PXDNL: variants seen among roughly 807,000 people sequenced by gnomAD.
The protein encoded by PXDNL is peroxidasin like.
Under a neutral mutation model 150.8 loss-of-function variants are expected in PXDNL, and 145 were observed. The ratio of observed to expected loss-of-function variants is 0.96; its 90% CI spans 0.84 to 1.10. The LOEUF is 1.10. Ranked by LOEUF, PXDNL falls within the 50% of genes least tolerant of loss-of-function variation. The pLI, the probability that PXDNL is intolerant of heterozygous loss-of-function variation, is 0.00. For missense variants in PXDNL, 2,087 were observed against 1,873.9 expected, an observed-to-expected ratio of 1.11 and a Z score of -2.10; for synonymous variants, 757 against 725.7, an observed-to-expected ratio of 1.04 and a Z score of -0.69.
chr8:51,749,414 G>A (rs997770847), intron 1 of PXDNL, among the ~76,000 whole-genome samples: 3 of 152,204 alleles, frequency 2.0e-5, no homozygotes, highest in Non-Finnish European at 4.4e-5. Context: ...ATTCACACCT[G>A]TGCAGTGTGT....
At chr8:51,621,497 G>A (rs1814252861) in intron 2 of PXDNL, among the ~76,000 whole-genome samples, 1 of 151,108 alleles carries the variant, frequency 6.6e-6, no homozygotes, top group Admixed American at 6.6e-5. Context: ...TACAGCAAAA[G>A]CGTTATATAG....
chr8:51,710,442 G>T (rs1024639900), intron 1 of PXDNL, among the ~76,000 whole-genome samples: 20 of 152,070 alleles, frequency 1.3e-4, no homozygotes, highest in Admixed American at 2.6e-4. Flanking sequence ...TCAATTTTTT[G>T]GGGGGTGAGG....
intron 2 of PXDNL, among the ~76,000 whole-genome samples, chr8:51,642,544 A>T (rs1421392416): frequency 6.6e-6 from 1 of 152,056 alleles, no homozygotes. Context: ...ACATATCTCA[A>T]AATAATAAGA....
chr8:51,455,337 A>T (rs916757420), intron 9 of PXDNL, among the ~76,000 whole-genome samples: 1 of 152,032 alleles, frequency 6.6e-6, no homozygotes, highest in Non-Finnish European at 1.5e-5. Flanking sequence ...GAGATAGCAA[A>T]CACAGGATGC....
At position 51,592,646 on chromosome 8, in the gene PXDNL, G is replaced by C. The variant is rs1813469305; in HGVS notation, c.289C>G (p.Leu97Val). The change falls in exon 3 of 23, where the codon CTT becomes GTT. Residue 97 changes from leucine to valine, a missense_variant. Transcript: ENST00000356297. ...RKISRNAFEG[L>V]ENLLYLYLYK... Reference sequence around the variant, plus strand: ...ACTTACAGATATAGCAAATTTTCAAGTCCTTCAAAAGCATTTCTGGAAATC... The same window carrying C: ...ACTTACAGATATAGCAAATTTTCAACTCCTTCAAAAGCATTTCTGGAAATC... The C allele has an allele frequency of 1.3e-6, 2 of 1,548,140 alleles. No individual in the cohort carries two copies. Among genetic ancestry groups the C allele is most frequent in the Non-Finnish European group, 1.7e-6 (2 of 1,145,816 alleles).
chr8:51,363,679 G>A (rs1385600224), intron 19 of PXDNL, among the ~76,000 whole-genome samples: 1 of 152,104 alleles, frequency 6.6e-6, no homozygotes, highest in African/African-American at 2.4e-5. Context: ...TATGTCTGTG[G>A]ATTTCATTTC....
At chr8:51,466,453 C>A (rs1449703502) in intron 8 of PXDNL, among the ~76,000 whole-genome samples, 1 of 151,810 alleles carries the variant, frequency 6.6e-6, no homozygotes, top group African/African-American at 2.4e-5. Flanking sequence ...TTTTAGAAAA[C>A]CTAAGAAATA....
At chr8:51,349,153 CG>C (rs1377585931) in intron 19 of PXDNL, among the ~76,000 whole-genome samples, 1 of 97,030 alleles carries the variant, frequency 1.0e-5, no homozygotes, top group Non-Finnish European at 2.3e-5. Context: ...AGAGGCATAA[CG>C]GTGGGTGGGT....
At chr8:51,660,355 C>G (rs1815246530) in intron 1 of PXDNL, among the ~76,000 whole-genome samples, 1 of 152,132 alleles carries the variant, frequency 6.6e-6, no homozygotes, top group Non-Finnish European at 1.5e-5. Context: ...CCTGAGGATA[C>G]CCAGGCCACA....
chr8:51,708,462 A>G (rs1816428065), intron 1 of PXDNL, among the ~76,000 whole-genome samples: 1 of 152,290 alleles, frequency 6.6e-6, no homozygotes. Flanking sequence ...AGAGAGAAGA[A>G]TAATGTAAAA....
chr8:51,668,603 T>C (rs1815438206), intron 1 of PXDNL, among the ~76,000 whole-genome samples: 1 of 152,212 alleles, frequency 6.6e-6, no homozygotes, highest in African/African-American at 2.4e-5. Context: ...TACAAATGTA[T>C]ATGACTGCTG....
chr8:51,641,389 A>G (rs1187639918), intron 2 of PXDNL, among the ~76,000 whole-genome samples: 1 of 150,376 alleles, frequency 6.6e-6, no homozygotes, highest in African/African-American at 2.5e-5. Flanking sequence ...CTGCACAGCA[A>G]AAGAAACTAC....
At chr8:51,597,735 A>C (rs576220638) in intron 2 of PXDNL, among the ~76,000 whole-genome samples, 46 of 143,546 alleles carry the variant, frequency 3.2e-4, no homozygotes, top group Admixed American at 3.0e-3. Flanking sequence ...TTTTTTTGAG[A>C]TGGAGTTTCA....
At chr8:51,487,215 C>T (rs1195504806) in intron 5 of PXDNL, among the ~76,000 whole-genome samples, 1 of 152,052 alleles carries the variant, frequency 6.6e-6, no homozygotes, top group Non-Finnish European at 1.5e-5. Context: ...AAAGACTTGT[C>T]TCCTTCCTGT....
At chr8:51,466,695 CAAACA>C (rs926296205) in intron 8 of PXDNL, among the ~76,000 whole-genome samples, 7 of 152,006 alleles carry the variant, frequency 4.6e-5, no homozygotes, top group Admixed American at 4.6e-4. Context: ...AACAAATCAA[CAAACA>C]AAACACAAAT....
intron 4 of PXDNL, among the ~76,000 whole-genome samples, chr8:51,529,429 AGACC>A (rs1811841652): frequency 6.6e-6 from 1 of 152,200 alleles, no homozygotes; most frequent in African/African-American, 2.4e-5. Flanking sequence ...TTACTCCTGA[AGACC>A]TAAAAGTATT....
At chr8:51,467,346 G>A (rs1224455000) in intron 8 of PXDNL, among the ~76,000 whole-genome samples, 1 of 152,070 alleles carries the variant, frequency 6.6e-6, no homozygotes, top group Non-Finnish European at 1.5e-5. Flanking sequence ...TATTCTCATT[G>A]TAAGTGAGAG....
intron 19 of PXDNL, among the ~76,000 whole-genome samples, chr8:51,361,073 G>A (rs1026013667): frequency 4.6e-5 from 7 of 152,228 alleles, no homozygotes; most frequent in East Asian, 1.9e-4. Context: ...CAGGCCCACT[G>A]TGGCCACTGC....
chr8:51,587,623 T>C (rs776383499), intron 3 of PXDNL, among the ~76,000 whole-genome samples: 2 of 152,214 alleles, frequency 1.3e-5, no homozygotes, highest in African/African-American at 4.8e-5. Flanking sequence ...ATAACTACCT[T>C]ATGTAATATA....
Sources: gnomAD v4.1 joint callset for allele counts (sites outside exome capture counted in the v4.1 genomes callset) on GRCh38, gnomAD v4.1.1 for gene constraint, MANE v1.5 for transcripts, NCBI Gene and HGNC (gene_info 2026-07-23, HGNC 2026-07-21) for gene names.